TENM4: variants seen among roughly 807,000 people sequenced by gnomAD.
The protein encoded by TENM4 is teneurin transmembrane protein 4, also known as teneurin-4.
A neutral mutation model predicts 243.3 loss-of-function variants in TENM4; 82 were observed. That is an observed-to-expected ratio of 0.34 (90% confidence interval 0.28 to 0.40). The LOEUF (loss-of-function observed/expected upper bound fraction) is 0.40. Ranked by LOEUF, TENM4 falls within the 10% of genes least tolerant of loss-of-function variation. TENM4 has a pLI of 1.00. For synonymous variants in TENM4, 1,412 were observed against 1,456.3 expected (o/e 0.97, Z 0.69); for missense variants, 3,138 against 3,673.3 (o/e 0.85, Z 3.77).
intron 6 of TENM4, among the ~76,000 whole-genome samples, chr11:78,945,495 A>G (rs1856987631): frequency 6.6e-6 from 1 of 152,214 alleles, no homozygotes; most frequent in African/African-American, 2.4e-5. Context: ...TCCCTGAGAC[A>G]TAATGATATT....
chr11:79,237,536 G>T (rs1864499693), intron 2 of TENM4, among the ~76,000 whole-genome samples: 1 of 152,220 alleles, frequency 6.6e-6, no homozygotes, highest in African/African-American at 2.4e-5. Context: ...CATTAGCTGG[G>T]TGTGGTGGCA....
At chr11:79,088,254 G>T (rs751999897) in intron 4 of TENM4, among the ~76,000 whole-genome samples, 2 of 152,156 alleles carry the variant, frequency 1.3e-5, no homozygotes, top group Non-Finnish European at 2.9e-5. Context: ...GCCCAGCCTG[G>T]CCTCTGCTGG....
chr11:79,436,934 C>G (rs1180305294), intron 1 of TENM4, among the ~76,000 whole-genome samples: 2 of 152,242 alleles, frequency 1.3e-5, no homozygotes, highest in Non-Finnish European at 2.9e-5. Context: ...GAAATAAAAG[C>G]TTCCCCGAAT....
At chr11:78,814,462 C>G (rs991760689) in intron 12 of TENM4, 67 bp from the exon 13 acceptor site, 11 of 1,414,370 alleles carry the variant, frequency 7.8e-6, no homozygotes, top group Non-Finnish European at 1.1e-5. Flanking sequence ...GCCCAGGAAT[C>G]AAGCTTTAGG....
intron 2 of TENM4, among the ~76,000 whole-genome samples, chr11:79,296,728 C>T (rs991672098): frequency 1.3e-5 from 2 of 152,144 alleles, no homozygotes; most frequent in African/African-American, 4.8e-5. Context: ...TGGCTTTGGC[C>T]CACTCTTTCA....
chr11:78,891,391 G>A, intron 7 of TENM4, 55 bp from the exon 8 acceptor site: 7 of 1,468,924 alleles, frequency 4.8e-6, no homozygotes, highest in South Asian at 1.2e-5. Flanking sequence ...GATGAAGGGG[G>A]CTAGTAGAGA....
intron 19 of TENM4, among the ~76,000 whole-genome samples, chr11:78,739,992 G>GGCTGGT (rs1855884218): frequency 2.0e-5 from 3 of 152,326 alleles, no homozygotes; most frequent in Admixed American, 1.3e-4. Context: ...TGAAGGCACT[G>GGCTGGT]GCTGGTGCAA....
At chr11:78,739,922 G>A (rs992576469) in intron 19 of TENM4, among the ~76,000 whole-genome samples, 1 of 152,148 alleles carries the variant, frequency 6.6e-6, no homozygotes, top group African/African-American at 2.4e-5. Context: ...ACTTGAACCT[G>A]GGCCTCACCA....
intron 12 of TENM4, among the ~76,000 whole-genome samples, chr11:78,842,851 G>C (rs1858293110): frequency 6.6e-6 from 1 of 152,214 alleles, no homozygotes; most frequent in African/African-American, 2.4e-5. Context: ...GAAAATATTT[G>C]CTTCATATGC....
At chr11:78,826,075 CCTT>C (rs1857841700) in intron 12 of TENM4, among the ~76,000 whole-genome samples, 1 of 143,502 alleles carries the variant, frequency 7.0e-6, no homozygotes, top group Non-Finnish European at 1.5e-5. Context: ...AAATCCCCCT[CCTT>C]TTTTTTTTTT....
intron 12 of TENM4, among the ~76,000 whole-genome samples, chr11:78,821,922 A>T (rs1224366030): frequency 6.6e-6 from 1 of 152,226 alleles, no homozygotes; most frequent in African/African-American, 2.4e-5. Context: ...TTCTGTTTAC[A>T]TGTATGTATC....
chr11:79,026,400 C>T (rs1433602640), intron 6 of TENM4, among the ~76,000 whole-genome samples: 3 of 152,046 alleles, frequency 2.0e-5, no homozygotes, highest in Non-Finnish European at 2.9e-5. Flanking sequence ...TAACAATTGC[C>T]CAAGGAAGCG....
intron 6 of TENM4, among the ~76,000 whole-genome samples, chr11:79,025,823 C>A (rs764597994): frequency 6.6e-6 from 1 of 152,148 alleles, no homozygotes; most frequent in Non-Finnish European, 1.5e-5. Flanking sequence ...TTTACAGGAA[C>A]AACAGGAACA....
At chr11:79,273,936 C>A (rs1856010886) in intron 2 of TENM4, among the ~76,000 whole-genome samples, 2 of 152,220 alleles carry the variant, frequency 1.3e-5, no homozygotes, top group South Asian at 4.1e-4. Context: ...GCTGGCAAGA[C>A]AAGGCTGTGC....
At chr11:79,023,295 C>T (rs896775645) in intron 6 of TENM4, among the ~76,000 whole-genome samples, 8 of 152,112 alleles carry the variant, frequency 5.3e-5, no homozygotes, top group Admixed American at 1.3e-4. Flanking sequence ...CGTGGTGGCT[C>T]ATGCCTGTAA....
intron 2 of TENM4, among the ~76,000 whole-genome samples, chr11:79,270,891 A>G (rs1184544957): frequency 1.3e-5 from 2 of 152,172 alleles, no homozygotes. Context: ...ACAGAAGAGC[A>G]AATCAGGTGG....
chr11:78,896,153 G>C (rs12274816), intron 7 of TENM4, among the ~76,000 whole-genome samples: 1 of 152,168 alleles, frequency 6.6e-6, no homozygotes, highest in African/African-American at 2.4e-5. Flanking sequence ...CTCTCACAGT[G>C]AGCCCGCTGT....
chr11:79,030,867 G>C (rs981155332), intron 6 of TENM4, among the ~76,000 whole-genome samples: 3 of 152,162 alleles, frequency 2.0e-5, no homozygotes, highest in African/African-American at 7.2e-5. Context: ...CCCCCGCCAA[G>C]GCCCTGCTGG....
At chr11:78,903,727 G>A (rs1253445580) in intron 6 of TENM4, 1 of 863,306 alleles carries the variant, frequency 1.2e-6, no homozygotes, top group African/African-American at 1.7e-5. Flanking sequence ...CAACTAAACA[G>A]ACAAAAATTC....
Sources: gnomAD v4.1 joint callset for allele counts (sites outside exome capture counted in the v4.1 genomes callset) on GRCh38, gnomAD v4.1.1 for gene constraint, MANE v1.5 for transcripts, NCBI Gene and HGNC (gene_info 2026-07-23, HGNC 2026-07-21) for gene names.